Variants in UNC5A observed in about 807,000 individuals in gnomAD.
UNC5A encodes the protein unc-5 netrin receptor A.
A neutral mutation model predicts 87.4 loss-of-function variants in UNC5A; 20 were observed. The ratio of observed to expected loss-of-function variants is 0.23; its 90% CI spans 0.16 to 0.33. The LOEUF is 0.33. UNC5A is among the 10% of genes least tolerant of loss of function. The pLI is 1.00. For synonymous variants in UNC5A, 438 were observed against 482.3 expected (o/e 0.91, Z 1.20); for missense variants, 844 against 1,133.4 (o/e 0.74, Z 3.67).
intron 1 of UNC5A, among the ~76,000 whole-genome samples, chr5:176,837,957 T>C (rs772639165): frequency 5.9e-5 from 9 of 152,184 alleles, no homozygotes; most frequent in Non-Finnish European, 1.0e-4. Context: ...AATTCATTTA[T>C]CCATCCGCAG....
chr5:176,877,180 C>A lies in UNC5A; in HGVS notation c.1379-12C>A. The A allele has an allele frequency of 6.2e-7, 1 of 1,606,252 alleles. No individual in the cohort carries two copies. The highest frequency in any genetic ancestry group is 8.5e-7 in the Non-Finnish European group (1 of 1,173,970). ...CAGTGGGTAAGCCCTGGCCCTCTTC[C>A]TGCCGTTCCAGGAATCAGCCTCCTC... On this transcript the variant is annotated splice_polypyrimidine_tract_variant and intron_variant, in intron 8 of 14. Transcript: ENST00000329542.
intron 2 of UNC5A, among the ~76,000 whole-genome samples, chr5:176,867,250 G>C (rs146713419): frequency 1.3e-5 from 2 of 152,270 alleles, no homozygotes; most frequent in Admixed American, 6.5e-5. Flanking sequence ...GGCTACAGAC[G>C]GGGCAGGAGG....
At chr5:176,876,171 G>A (rs1442042468) in intron 8 of UNC5A, among the ~76,000 whole-genome samples, 1 of 152,254 alleles carries the variant, frequency 6.6e-6, no homozygotes, top group Non-Finnish European at 1.5e-5. Context: ...GAATGAGGAT[G>A]TAAGTGCGTG....
chr5:176,845,317 T>A (rs1561652109), intron 1 of UNC5A, among the ~76,000 whole-genome samples: 1 of 152,208 alleles, frequency 6.6e-6, no homozygotes, highest in Non-Finnish European at 1.5e-5. Context: ...CCACGCTCAG[T>A]GTCCTGGCAC....
chr5:176,840,856 C>A (rs138246201), intron 1 of UNC5A, among the ~76,000 whole-genome samples: 1 of 152,234 alleles, frequency 6.6e-6, no homozygotes, highest in African/African-American at 2.4e-5. Flanking sequence ...GGCTTCTGTG[C>A]CACCCTGCCC....
rs33938181 is a variant in UNC5A, at chr5:176,830,738, GCT to G, written c.70+19919_70+19920del. Among the ~76,000 whole-genome samples the G allele has an allele frequency of 6.6e-3, 893 of 134,764 alleles. 16 individuals are homozygous for G. Among genetic ancestry groups the G allele is most frequent in the African/African-American group, 0.022 (819 of 37,038 alleles). 88.4% of individuals were successfully genotyped at this position (134,764 alleles called of 152,430 possible). The stretch of plus-strand genomic sequence containing the variant: ...TGTGCTGGCATGTATGTGTGGGTGT[GCT>G]GGTGTGTGTGCGCTGGCGTGTGTGT... On this transcript the variant is annotated intron_variant, in intron 1 of 14. Coordinates refer to ENST00000329542, the MANE Select transcript of UNC5A (RefSeq NM_133369.3).
chr5:176,833,854 G>T (rs1040585867), intron 1 of UNC5A, among the ~76,000 whole-genome samples: 5 of 151,550 alleles, frequency 3.3e-5, no homozygotes, highest in Admixed American at 3.3e-4. Flanking sequence ...GACTACAGGC[G>T]CCCACCACTA....
Position 176,848,571 on chromosome 5 carries a change from T to C in UNC5A, c.71-14053T>C, listed in dbSNP as rs1757469661. On this transcript the variant is annotated intron_variant, in intron 1 of 14. Transcript: ENST00000329542. The surrounding 1 kb of genome is among the most constrained non-coding windows in gnomAD (Gnocchi z 5.8). ...GGGGTGAGGGCTCATTCCTGTCTCA[T>C]CAGGGGTGTGATGGGAGCGGCCAGA... Among the ~76,000 whole-genome samples, 1 of 152,140 alleles carries C rather than the reference T, an allele frequency of 6.6e-6. No homozygotes were observed. The highest frequency in any genetic ancestry group is 2.1e-4 in the South Asian group (1 of 4,830).
At chr5:176,833,315 C>T (rs977142398) in intron 1 of UNC5A, among the ~76,000 whole-genome samples, 8 of 148,618 alleles carry the variant, frequency 5.4e-5, no homozygotes, top group Admixed American at 5.3e-4. Flanking sequence ...ACCCTCCACC[C>T]TCAAGTAAGC....
chr5:176,820,376 G>A (rs1243475354), intron 1 of UNC5A, among the ~76,000 whole-genome samples: 2 of 151,894 alleles, frequency 1.3e-5, no homozygotes, highest in Non-Finnish European at 2.9e-5. Context: ...CAGCCTGGGT[G>A]AGAGAGTGAG....
chr5:176,865,831 C>T lies in UNC5A; in HGVS notation c.293-2299C>T. 2.8e-6 allele frequency: 1 copy of T among 361,834 alleles called. No homozygotes were observed. Among genetic ancestry groups the T allele is most frequent in the South Asian group, 2.0e-5 (1 of 48,858 alleles). 22.4% of individuals were successfully genotyped at this position (361,834 alleles called of 1,614,324 possible). A position where few individuals can be genotyped will look rare whatever the true frequency, so the allele number is the denominator to read the frequency against. On this transcript the variant is annotated intron_variant, in intron 2 of 14. Coordinates refer to ENST00000329542, the MANE Select transcript of UNC5A (RefSeq NM_133369.3). This position sits in a 1 kb window ranked among gnomAD's most constrained non-coding sequence, Gnocchi z 5.3. ...AGAGCACCTACTTCCCTCTCGTTTG[C>T]CCTCATTCCTCACCCAGAAGGCCAG... is the stretch of plus-strand genomic sequence containing the variant.
Position 176,824,389 on chromosome 5 carries a change from T to G in UNC5A, c.70+13569T>G, listed in dbSNP as rs1404049013. Among the ~76,000 whole-genome samples, 1 of 152,044 alleles carries G rather than the reference T, an allele frequency of 6.6e-6. No homozygotes were observed. The highest frequency in any genetic ancestry group is 1.5e-5 in the Non-Finnish European group (1 of 67,998). Reference sequence around the variant, plus strand: ...CCTTCCTGGCCCTAGATCCACAAACTTCCCGCTTTAACGCCCGTGTGAGTT... The same window carrying G: ...CCTTCCTGGCCCTAGATCCACAAACGTCCCGCTTTAACGCCCGTGTGAGTT... On this transcript the variant is annotated intron_variant, in intron 1 of 14. Transcript: ENST00000329542. This position sits in a 1 kb window ranked among gnomAD's most constrained non-coding sequence, Gnocchi z 4.2.
chr5:176,854,911 C>G (rs926823775), intron 1 of UNC5A, among the ~76,000 whole-genome samples: 1 of 152,242 alleles, frequency 6.6e-6, no homozygotes, highest in Admixed American at 6.5e-5. Flanking sequence ...AGACTGGGGT[C>G]AGGGCAGGCT....
intron 1 of UNC5A, among the ~76,000 whole-genome samples, chr5:176,837,108 C>T (rs1329614266): frequency 6.6e-6 from 1 of 152,126 alleles, no homozygotes; most frequent in Non-Finnish European, 1.5e-5. Context: ...TGCCTTTCCT[C>T]CCTCCCCAGT....
chr5:176,864,825 G>A (rs911709094), intron 2 of UNC5A: 10 of 455,976 alleles, frequency 2.2e-5, no homozygotes, highest in Non-Finnish European at 4.0e-5. Context: ...GAGGGAGATA[G>A]AGAGGGTTGG....
In UNC5A at chr5:176,874,502, C is replaced by T. The variant is rs1483759136; in HGVS notation, c.1314C>T (p.Gly438=). The part of the protein sequence containing the change: ...TQNYFRSLPR[G]TSNMTYGTFN... ...ACTACTTCCGCTCCCTGCCCCGAGG[C>T]ACCAGCAACATGACCTATGGGACCT... Residue 438 remains glycine (G), a synonymous_variant, in exon 8 of 15, where the codon GGC becomes GGT. Transcript: ENST00000329542. The surrounding 1 kb of genome is among the most constrained non-coding windows in gnomAD (Gnocchi z 7.6). The T allele has an allele frequency of 6.2e-7, 1 of 1,608,890 alleles. No individual in the cohort carries two copies. The highest frequency in any genetic ancestry group is 8.5e-7 in the Non-Finnish European group (1 of 1,177,080).
chr5:176,873,764 CAG>C (rs1265203011), intron 6 of UNC5A, among the ~76,000 whole-genome samples: 3 of 152,210 alleles, frequency 2.0e-5, no homozygotes, highest in Non-Finnish European at 4.4e-5. Flanking sequence ...GTGATTTGCT[CAG>C]AGTCACACAG....
intron 1 of UNC5A, among the ~76,000 whole-genome samples, chr5:176,823,137 G>A (rs61163988): frequency 0.02 from 2,921 of 148,598 alleles, 90 homozygotes; most frequent in African/African-American, 0.068. Context: ...TGTGGGAGAC[G>A]CTGCAAAGGG....
At chr5:176,830,690 ATG>A (rs1168005144) in intron 1 of UNC5A, among the ~76,000 whole-genome samples, 4 of 76,968 alleles carry the variant, frequency 5.2e-5, no homozygotes, top group South Asian at 4.8e-4. Context: ...GTGTGCTGGC[ATG>A]TGTGTGCACT....
Sources: allele counts gnomAD v4.1 joint callset (sites outside exome capture counted in the v4.1 genomes callset), GRCh38; gene constraint gnomAD v4.1.1; non-coding constraint Gnocchi (gnomAD v3.1); transcripts MANE v1.5; gene names NCBI Gene and HGNC (gene_info 2026-07-23, HGNC 2026-07-21).